GABRA2: variants seen among roughly 807,000 people sequenced by gnomAD.
GABRA2 encodes gamma-aminobutyric acid type A receptor subunit alpha2, also known as gamma-aminobutyric acid receptor subunit alpha-2.
A neutral mutation model predicts 48.7 loss-of-function variants in GABRA2; 16 were observed. The ratio of observed to expected loss-of-function variants is 0.33; its 90% CI spans 0.22 to 0.50. The LOEUF is 0.50. GABRA2 is among the 20% of genes least tolerant of loss of function. GABRA2 has a pLI of 0.98. For missense variants in GABRA2, 275 were observed against 535.6 expected (o/e 0.51, Z 4.80); for synonymous variants, 185 against 184.5 (o/e 1.00, Z -0.02).
At chr4:46,263,743 T>C (rs116033869) in intron 8 of GABRA2, among the ~76,000 whole-genome samples, 2,402 of 152,166 alleles carry the variant, frequency 0.016, 68 homozygotes, top group African/African-American at 0.055. Context: ...TACATTTCTG[T>C]ATGTTGTTAT....
At chr4:46,380,627 A>AG (rs1170902625) in intron 3 of GABRA2, among the ~76,000 whole-genome samples, 1 of 152,222 alleles carries the variant, frequency 6.6e-6, no homozygotes. Context: ...AACTGAAGCA[A>AG]GGAGAGGTTG....
rs117991566 is a variant in GABRA2 at position 46,372,957 on chromosome 4, T to C, written c.187+13117A>G. Among the ~76,000 whole-genome samples, 23 of 152,284 alleles carry C rather than the reference T, an allele frequency of 1.5e-4. No individual in the cohort carries two copies. In the East Asian group the frequency reaches 3.5e-3, roughly 23 times the overall value. ...ATATCCACTCACTTAAATGTGCACC[T>C]GCCCAATTTCCTTGTGTTGATAGAT... On this transcript the variant is annotated intron_variant, in intron 3 of 9. Coordinates refer to ENST00000381620, the MANE Select transcript of GABRA2 (RefSeq NM_000807.4).
intron 9 of GABRA2, among the ~76,000 whole-genome samples, chr4:46,255,383 T>C (rs1715613091): frequency 4.6e-5 from 7 of 151,774 alleles, no homozygotes; most frequent in Admixed American, 4.0e-4. Context: ...GTAAGTCTCC[T>C]GAATGTCTTC....
chr4:46,256,686 T>A (rs1348447091), intron 9 of GABRA2, among the ~76,000 whole-genome samples: 1 of 151,606 alleles, frequency 6.6e-6, no homozygotes, highest in East Asian at 1.9e-4. Flanking sequence ...TTTTCTTTCA[T>A]CTTGATTTTC....
intron 8 of GABRA2, among the ~76,000 whole-genome samples, chr4:46,298,873 T>C (rs1725227152): frequency 6.6e-6 from 1 of 151,868 alleles, no homozygotes; most frequent in African/African-American, 2.4e-5. Flanking sequence ...TGTAGACCAT[T>C]ATTATCTTGG....
chr4:46,377,075 C>T (rs1395531689), intron 3 of GABRA2, among the ~76,000 whole-genome samples: 4 of 152,164 alleles, frequency 2.6e-5, no homozygotes, highest in South Asian at 2.1e-4. Flanking sequence ...GGCGTGATCT[C>T]GGCTCGCTAC....
At chr4:46,299,381 T>A (rs535117971) in intron 8 of GABRA2, among the ~76,000 whole-genome samples, 1 of 151,734 alleles carries the variant, frequency 6.6e-6, no homozygotes, top group Non-Finnish European at 1.5e-5. Flanking sequence ...TTTCTAAAAT[T>A]TTCCCATCAA....
chr4:46,289,743 G>A (rs1723226173), intron 8 of GABRA2, among the ~76,000 whole-genome samples: 1 of 152,042 alleles, frequency 6.6e-6, no homozygotes, highest in South Asian at 2.1e-4. Context: ...GTCCGTACAT[G>A]TTTGGGTTTG....
chr4:46,386,313 CT>C (rs148641732), intron 2 of GABRA2, 124 bp from the exon 3 acceptor site: 801 of 569,910 alleles, frequency 1.4e-3, no homozygotes, highest in South Asian at 2.8e-3. Flanking sequence ...CGTTTTCCTC[CT>C]TTTTTTTTAA....
chr4:46,357,952 C>G (rs1442223912), intron 3 of GABRA2, among the ~76,000 whole-genome samples: 6 of 151,978 alleles, frequency 3.9e-5, no homozygotes, highest in Non-Finnish European at 8.8e-5. Context: ...GCCACCGCGC[C>G]CAGCTGTGAA....
intron 3 of GABRA2, chr4:46,369,111 G>A (rs1421538798): frequency 1.6e-6 from 1 of 638,048 alleles, no homozygotes; most frequent in Non-Finnish European, 2.9e-6. Flanking sequence ...GTAGGGCTAG[G>A]TTAATATACT....
At chr4:46,262,677 AT>A (rs1717216980) in intron 8 of GABRA2, among the ~76,000 whole-genome samples, 1 of 152,040 alleles carries the variant, frequency 6.6e-6, no homozygotes, top group Admixed American at 6.6e-5. Context: ...AAGTGGGTGG[AT>A]CACAAGGTCA....
intron 8 of GABRA2, among the ~76,000 whole-genome samples, chr4:46,283,465 T>C (rs1721924612): frequency 6.6e-6 from 1 of 152,142 alleles, no homozygotes; most frequent in African/African-American, 2.4e-5. Flanking sequence ...GTGGACTTAT[T>C]CCACATGGGA....
chr4:46,364,436 G>T, intron 3 of GABRA2: 1 of 152,232 alleles, frequency 6.6e-6, no homozygotes, highest in East Asian at 1.9e-4. Flanking sequence ...TTAGCACATA[G>T]TTCTGTAGGT....
At chr4:46,342,029 G>A (rs1212947252) in intron 3 of GABRA2, among the ~76,000 whole-genome samples, 1 of 152,016 alleles carries the variant, frequency 6.6e-6, no homozygotes, top group Non-Finnish European at 1.5e-5. Flanking sequence ...GGTGATGGGA[G>A]TTTTGGGGAA....
chr4:46,265,805 A>G (rs1463453615), intron 8 of GABRA2, among the ~76,000 whole-genome samples: 1 of 151,898 alleles, frequency 6.6e-6, no homozygotes, highest in Non-Finnish European at 1.5e-5. Flanking sequence ...TTTTTAACAT[A>G]AGTGGTTAGA....
intron 7 of GABRA2, among the ~76,000 whole-genome samples, chr4:46,304,403 C>G (rs1449812686): frequency 2.6e-5 from 4 of 152,128 alleles, no homozygotes; most frequent in African/African-American, 9.7e-5. Context: ...TTCCTTTCTG[C>G]TCCCTGGGTT....
chr4:46,262,703 G>C (rs1354021617), intron 8 of GABRA2, among the ~76,000 whole-genome samples: 5 of 151,988 alleles, frequency 3.3e-5, no homozygotes, highest in African/African-American at 1.2e-4. Context: ...TTCAAGACCA[G>C]CCTGGCCAAG....
rs1191635004 is a variant in GABRA2, at chr4:46,248,601, C to T, written c.*1707G>A. On this transcript the variant is annotated 3_prime_UTR_variant, in exon 10 of 10. Transcript: ENST00000381620. ...AAGCATGCAAAGCATATAATAGAAT[C>T]ACATGGAAACAAAGAAATTTTAAAA... is the stretch of plus-strand genomic sequence containing the variant. 2.0e-5 allele frequency: 3 copies of T among 151,324 alleles called. No individual in the cohort carries two copies. The highest frequency in any genetic ancestry group is 4.4e-5 in the Non-Finnish European group (3 of 67,564). 9.4% of individuals were successfully genotyped at this position (151,324 alleles called of 1,614,324 possible). A position where few individuals can be genotyped will look rare whatever the true frequency, so the allele number is the denominator to read the frequency against.
Sources: gnomAD v4.1 joint callset for allele counts (sites outside exome capture counted in the v4.1 genomes callset) on GRCh38, gnomAD v4.1.1 for gene constraint, MANE v1.5 for transcripts, NCBI Gene and HGNC (gene_info 2026-07-23, HGNC 2026-07-21) for gene names.